SAV1: variants seen among roughly 807,000 people sequenced by gnomAD.
SAV1 encodes the protein protein salvador homolog 1.
In SAV1, 23 loss-of-function variants were observed where a neutral mutation model predicts 47.3. The observed-to-expected ratio is 0.49, with a 90% CI of 0.35 to 0.69. SAV1 has a LOEUF of 0.69. SAV1 is among the 30% of genes least tolerant of loss of function. SAV1 has a pLI of 0.01. For missense variants in SAV1, 448 were observed against 457.4 expected (o/e 0.98, Z 0.19); for synonymous variants, 155 against 159.2 (o/e 0.97, Z 0.20).
At chr14:50,655,716 A>G (rs1326843877) in intron 2 of SAV1, among the ~76,000 whole-genome samples, 1 of 152,032 alleles carries the variant, frequency 6.6e-6, no homozygotes, top group East Asian at 1.9e-4. Context: ...GTGAGCCACT[A>G]TACCCTGCCT....
intron 4 of SAV1, chr14:50,637,705 C>T (rs1221622171): frequency 2.3e-5 from 3 of 128,884 alleles, no homozygotes; most frequent in Non-Finnish European, 4.7e-5. Context: ...ATGAAGATCT[C>T]CTATGTCTCC....
At chr14:50,648,133 T>C (rs925985791) in intron 2 of SAV1, among the ~76,000 whole-genome samples, 1 of 152,254 alleles carries the variant, frequency 6.6e-6, no homozygotes, top group African/African-American at 2.4e-5. Context: ...TATTGGTACA[T>C]GCAAGAATCT....
At chr14:50,647,136 T>C (rs544112990) in intron 2 of SAV1, among the ~76,000 whole-genome samples, 1 of 152,224 alleles carries the variant, frequency 6.6e-6, no homozygotes, top group East Asian at 1.9e-4. Flanking sequence ...ACTATAACGC[T>C]TTTACAAGAA....
rs1303955975 is a variant in SAV1, at chr14:50,635,375, G to A, written c.960C>T (p.His320=). The A allele has an allele frequency of 6.2e-7, 1 of 1,613,720 alleles. No homozygotes were observed. Among genetic ancestry groups the A allele is most frequent in the South Asian group, 1.1e-5 (1 of 91,086 alleles). ...VYARAPVKYD[H]ILKWELFQLA... ...GCTGGAAGAGTTCCCACTTCAGAAT[G>A]TGGTCATATCTGTTTTAAAACACAA... Residue 320 remains histidine, a synonymous_variant, in exon 5 of 5, where the codon CAC becomes CAT. Transcript: ENST00000324679.
intron 2 of SAV1, among the ~76,000 whole-genome samples, chr14:50,653,720 T>C (rs564034822): frequency 4.3e-4 from 66 of 151,882 alleles, no homozygotes; most frequent in Non-Finnish European, 9.3e-4. Context: ...AATACAAAAA[T>C]TAGCTGGGCC....
At chr14:50,652,966 G>C (rs2039781655) in intron 2 of SAV1, among the ~76,000 whole-genome samples, 1 of 152,110 alleles carries the variant, frequency 6.6e-6, no homozygotes, top group Non-Finnish European at 1.5e-5. Flanking sequence ...GGGAGGTGGA[G>C]GTTGCAATGA....
chr14:50,657,821 A>T (rs1595649319), intron 2 of SAV1, among the ~76,000 whole-genome samples: 1 of 152,242 alleles, frequency 6.6e-6, no homozygotes, highest in Non-Finnish European at 1.5e-5. Context: ...ACTTAGTCGA[A>T]GACACAGATA....
intron 1 of SAV1, among the ~76,000 whole-genome samples, chr14:50,666,617 C>A (rs1275563405): frequency 6.6e-6 from 1 of 151,822 alleles, no homozygotes. Flanking sequence ...CAAAACTGCA[C>A]GTTCTACACA....
At chr14:50,650,066 A>T (rs1458529522) in intron 2 of SAV1, among the ~76,000 whole-genome samples, 5 of 152,262 alleles carry the variant, frequency 3.3e-5, no homozygotes, top group Non-Finnish European at 5.9e-5. Flanking sequence ...GGTAATTTAG[A>T]AGAAACTTTA....
In SAV1 at chr14:50,634,496, A is replaced by G. The variant is rs1007148123; in HGVS notation, c.*687T>C. The G allele has an allele frequency of 1.1e-5, 2 of 178,278 alleles. No homozygotes were observed. The highest frequency in any genetic ancestry group is 4.7e-5 in the African/African-American group (2 of 42,108). 11.0% of individuals were successfully genotyped at this position (178,278 alleles called of 1,614,324 possible). A position where few individuals can be genotyped will look rare whatever the true frequency, so the allele number is the denominator to read the frequency against. Reference sequence around the variant, plus strand: ...CCCAAGTAGCTGGGACTAGAGGCACACACCATCATACCCGGCTAATTTTTT... The same window carrying G: ...CCCAAGTAGCTGGGACTAGAGGCACGCACCATCATACCCGGCTAATTTTTT... On this transcript the variant is annotated 3_prime_UTR_variant, in exon 5 of 5. Transcript: ENST00000324679.
intron 2 of SAV1, among the ~76,000 whole-genome samples, chr14:50,653,867 CAAAAA>C (rs931825307): frequency 1.8e-5 from 2 of 113,314 alleles, no homozygotes; most frequent in Non-Finnish European, 3.7e-5. Context: ...GACTCCATCT[CAAAAA>C]AAAAAAAAAG....
At position 50,636,606 on chromosome 14, in the gene SAV1, G is replaced by A. The variant is rs146998291; in HGVS notation, c.951-1222C>T. ...CTTAGCAGTAGTACCTTTAGTAGTC[G>A]GCTACATAGTTCCATTTCAGTATGT... On this transcript the variant is annotated intron_variant, in intron 4 of 4. Coordinates refer to ENST00000324679, the MANE Select transcript of SAV1 (RefSeq NM_021818.4). Among the ~76,000 whole-genome samples, 10 of 152,166 alleles carry A rather than the reference G, an allele frequency of 6.6e-5. No homozygotes were observed. In the East Asian group the frequency reaches 1.2e-3, roughly 18 times the overall value.
rs1228626426 is a variant in SAV1, at chr14:50,644,731, G to A, written c.806+13C>T. On this transcript the variant is annotated intron_variant, in intron 3 of 4. Transcript: ENST00000324679. ...CCCGAAACAAAAAGTTGAAAATAAAGTTGATACTGTACCTAGGAGCACAGG... is the reference window on the plus strand; with the variant it reads ...CCCGAAACAAAAAGTTGAAAATAAAATTGATACTGTACCTAGGAGCACAGG... 6.3e-7 allele frequency: 1 copy of A among 1,598,698 alleles called. No individual in the cohort carries two copies. Among genetic ancestry groups the A allele is most frequent in the East Asian group, 2.2e-5 (1 of 44,586 alleles).
rs1436430575 is a variant in SAV1, at chr14:50,633,918, A to C, written c.*1265T>G. ...TGCAATCAAATGTACAGCACTAATT[A>C]TGAAAAATGTTTTAACTATTAAACC... On this transcript the variant is annotated 3_prime_UTR_variant, in exon 5 of 5. Transcript: ENST00000324679. 6 of 193,210 alleles carry C rather than the reference A, an allele frequency of 3.1e-5. No individual in the cohort carries two copies. In the East Asian group the frequency reaches 7.2e-4, roughly 23 times the overall value. 12.0% of individuals were successfully genotyped at this position (193,210 alleles called of 1,614,324 possible).
intron 2 of SAV1, among the ~76,000 whole-genome samples, chr14:50,645,393 G>A (rs2039713772): frequency 6.6e-6 from 1 of 152,080 alleles, no homozygotes; most frequent in African/African-American, 2.4e-5. Flanking sequence ...CTTATGTGAT[G>A]AGTCATAGTC....
chr14:50,639,014 G>A (rs1327369947), intron 4 of SAV1, among the ~76,000 whole-genome samples: 3 of 152,134 alleles, frequency 2.0e-5, no homozygotes, highest in Non-Finnish European at 4.4e-5. Flanking sequence ...TGATCCACTC[G>A]CCTCAGCCTC....
chr14:50,663,999 T>G (rs2039880812), intron 2 of SAV1, among the ~76,000 whole-genome samples: 1 of 152,222 alleles, frequency 6.6e-6, no homozygotes, highest in African/African-American at 2.4e-5. Flanking sequence ...TTCTGGCCCT[T>G]GTTAATCTAA....
At chr14:50,642,671 A>T (rs571649385) in intron 3 of SAV1, among the ~76,000 whole-genome samples, 2 of 152,278 alleles carry the variant, frequency 1.3e-5, no homozygotes, top group African/African-American at 4.8e-5. Flanking sequence ...TATATATAAC[A>T]ATGGGGAGAA....
chr14:50,664,418 A>C (rs1249440015), intron 2 of SAV1: 1 of 152,218 alleles, frequency 6.6e-6, no homozygotes, highest in Admixed American at 6.5e-5. Context: ...AGAAAAAAAA[A>C]ATCAGACAAG....
Sources: gnomAD v4.1 joint callset for allele counts (sites outside exome capture counted in the v4.1 genomes callset) on GRCh38, gnomAD v4.1.1 for gene constraint, MANE v1.5 for transcripts, NCBI Gene and HGNC (gene_info 2026-07-23, HGNC 2026-07-21) for gene names.